RGS22: variants seen among roughly 807,000 people sequenced by gnomAD.
RGS22 encodes the protein regulator of G protein signaling 22.
RGS22 carries 148 observed loss-of-function variants against 172.9 expected under a neutral mutation model. The ratio of observed to expected loss-of-function variants is 0.86; its 90% CI spans 0.75 to 0.98. The LOEUF (loss-of-function observed/expected upper bound fraction) is 0.98, where lower values mean the gene tolerates loss of function less well. RGS22 is among the 50% of genes least tolerant of loss of function. RGS22 has a pLI of 0.00. For missense variants in RGS22, 1,347 were observed against 1,440.8 expected (o/e 0.93, Z 1.05); for synonymous variants, 458 against 480.2 (o/e 0.95, Z 0.60).
chr8:100,062,925 A>T (rs559233995), intron 8 of RGS22, among the ~76,000 whole-genome samples, 173 bp from the exon 9 acceptor site: 1 of 152,148 alleles, frequency 6.6e-6, no homozygotes, highest in Non-Finnish European at 1.5e-5. Flanking sequence ...CTGACCAAAG[A>T]CCTGAGCCCC....
At chr8:100,012,978 A>ATTTTT (rs35339430) in intron 14 of RGS22, among the ~76,000 whole-genome samples, 24 of 88,748 alleles carry the variant, frequency 2.7e-4, no homozygotes, top group Non-Finnish European at 3.8e-4. Context: ...AACGCCTTTG[A>ATTTTT]TTTTTTTTTT....
intron 21 of RGS22, among the ~76,000 whole-genome samples, chr8:99,987,058 T>C (rs981676345): frequency 6.6e-6 from 1 of 152,198 alleles, no homozygotes; most frequent in African/African-American, 2.4e-5. Flanking sequence ...AGATTTTGGA[T>C]TCTTTTTTGG....
At chr8:99,969,282 A>G (rs1811079929) in intron 23 of RGS22, among the ~76,000 whole-genome samples, 1 of 152,248 alleles carries the variant, frequency 6.6e-6, no homozygotes, top group Non-Finnish European at 1.5e-5. Flanking sequence ...AGCCACTGCA[A>G]AAACATACCA....
Position 100,072,157 on chromosome 8 carries a change from TA to T in RGS22, c.412del (p.Tyr138ThrfsTer6). 1 of 1,593,576 alleles carries T rather than the reference TA, an allele frequency of 6.3e-7. No individual in the cohort carries two copies. The highest frequency in any genetic ancestry group is 8.6e-7 in the Non-Finnish European group (1 of 1,166,848). ...RLPAFLESDC[Y>X]FEYRLAKLVS... The stretch of plus-strand genomic sequence containing the variant: ...GGGACTATAGTACCTGTATTCAAAG[TA>T]ACAATCACTTTCCAGAAATGCTGGA... On this transcript the variant is annotated frameshift_variant, in exon 5 of 28. Transcript: ENST00000360863. LOFTEE classifies it high-confidence loss of function.
chr8:99,969,647 A>T (rs543430269), intron 23 of RGS22, among the ~76,000 whole-genome samples: 1 of 152,316 alleles, frequency 6.6e-6, no homozygotes, highest in East Asian at 1.9e-4. Flanking sequence ...GCATTACATA[A>T]TGTTAAAGGG....
chr8:100,089,628 G>A (rs143796386), intron 3 of RGS22, among the ~76,000 whole-genome samples: 71 of 152,060 alleles, frequency 4.7e-4, no homozygotes, highest in African/African-American at 1.7e-3. Context: ...GGAACACAAC[G>A]GTCTAAGTGC....
chr8:100,047,575 G>C lies in RGS22; in HGVS notation c.1711C>G (p.Gln571Glu), dbSNP rs1820859821. ...EIQKEEFSLS[Q>E]PPKSPNKSPE... ...GATTTATTGGGAGATTTAGGAGGTTGTGATAAGCTGAATTCTTCTTTCTAA... is the reference window on the plus strand; with the variant it reads ...GATTTATTGGGAGATTTAGGAGGTTCTGATAAGCTGAATTCTTCTTTCTAA... The change falls in exon 11 of 28, where the codon CAA (glutamine) becomes GAA (glutamate). Residue 571 changes from glutamine (Q) to glutamate (E), a missense_variant. Coordinates refer to ENST00000360863, the MANE Select transcript of RGS22 (RefSeq NM_015668.5). 6.2e-7 allele frequency: 1 copy of C among 1,608,318 alleles called. No individual in the cohort carries two copies.
intron 14 of RGS22, among the ~76,000 whole-genome samples, chr8:100,031,918 A>C (rs1818859370): frequency 1.3e-5 from 2 of 152,194 alleles, no homozygotes; most frequent in South Asian, 4.1e-4. Flanking sequence ...AGCCAAACTA[A>C]GCTTCATAAG....
chr8:100,035,593 C>A (rs1026219484), intron 14 of RGS22, among the ~76,000 whole-genome samples: 2 of 152,156 alleles, frequency 1.3e-5, no homozygotes, highest in African/African-American at 4.8e-5. Flanking sequence ...ATTGACCCAG[C>A]GATCCCATTA....
chr8:99,968,685 G>C (rs1257195875), intron 23 of RGS22, among the ~76,000 whole-genome samples: 1 of 152,042 alleles, frequency 6.6e-6, no homozygotes, highest in African/African-American at 2.4e-5. Flanking sequence ...TAGAGAAAAA[G>C]AATGAAAAGG....
intron 9 of RGS22, among the ~76,000 whole-genome samples, chr8:100,054,745 CTG>C (rs1364493247): frequency 6.9e-6 from 1 of 144,582 alleles, no homozygotes; most frequent in Non-Finnish European, 1.5e-5. Context: ...TCATTCTCTA[CTG>C]TGTTTCAGAA....
intron 18 of RGS22, among the ~76,000 whole-genome samples, chr8:100,001,202 TTATA>T (rs140189906): frequency 3.2e-5 from 4 of 124,780 alleles, no homozygotes; most frequent in Admixed American, 8.6e-5. Context: ...TCCCAATTTT[TTATA>T]TATATATATA....
At chr8:100,052,735 C>G (rs1474813209) in intron 10 of RGS22, 67 bp downstream of exon 10, 19 of 1,391,304 alleles carry the variant, frequency 1.4e-5, no homozygotes, top group Non-Finnish European at 1.9e-5. Context: ...TATCAGTGCA[C>G]AAACACTCAA....
At chr8:99,977,270 ATTTTTTTTTTTTTT>A (rs895569407) in intron 23 of RGS22, among the ~76,000 whole-genome samples, 1 of 120,390 alleles carries the variant, frequency 8.3e-6, no homozygotes, top group South Asian at 2.7e-4. Flanking sequence ...CGCCCGGTTA[ATTTTTTTTTTTTTT>A]TTTTTTTTTT....
At chr8:100,024,676 GATA>G (rs1024144367) in intron 14 of RGS22, among the ~76,000 whole-genome samples, 2 of 152,140 alleles carry the variant, frequency 1.3e-5, no homozygotes, top group Non-Finnish European at 2.9e-5. Context: ...TTTTTCTAGA[GATA>G]ATAATAAGAA....
chr8:99,984,556 A>G (rs868546206), intron 21 of RGS22, among the ~76,000 whole-genome samples: 1 of 152,136 alleles, frequency 6.6e-6, no homozygotes, highest in Non-Finnish European at 1.5e-5. Context: ...CTCTCAGTCC[A>G]GGAGAGATGT....
At chr8:100,064,923 C>G (rs112361121) in intron 7 of RGS22, among the ~76,000 whole-genome samples, 1 of 152,082 alleles carries the variant, frequency 6.6e-6, no homozygotes, top group African/African-American at 2.4e-5. Context: ...CAAAATGGCA[C>G]GAGATACTTA....
chr8:100,089,748 CA>C (rs1011795203), intron 3 of RGS22, among the ~76,000 whole-genome samples: 25 of 152,058 alleles, frequency 1.6e-4, no homozygotes, highest in Admixed American at 1.5e-3. Context: ...CCCCTAAAAC[CA>C]CATTAGCTTT....
At chr8:100,100,291 A>ATTTTTT (rs764067983) in intron 2 of RGS22, among the ~76,000 whole-genome samples, 2 of 137,000 alleles carry the variant, frequency 1.5e-5, no homozygotes, top group African/African-American at 2.7e-5. Context: ...TTTTTTTCTG[A>ATTTTTT]TTTTTTTTTT....
Sources: allele counts gnomAD v4.1 joint callset (sites outside exome capture counted in the v4.1 genomes callset), GRCh38; gene constraint gnomAD v4.1.1; transcripts MANE v1.5; gene names NCBI Gene and HGNC (gene_info 2026-07-23, HGNC 2026-07-21).